Variants in RNF144B observed in about 807,000 individuals in gnomAD.
RNF144B encodes ring finger protein 144B, also known as E3 ubiquitin-protein ligase RNF144B.
In RNF144B, 25 loss-of-function variants were observed where a neutral mutation model predicts 40.2. The ratio of observed to expected loss-of-function variants is 0.62; its 90% confidence interval spans 0.45 to 0.87. The LOEUF is 0.87. RNF144B is among the 40% of genes least tolerant of loss of function. RNF144B has a pLI of 0.00. For synonymous variants in RNF144B, 145 were observed against 136.3 expected, an observed-to-expected ratio of 1.06 and a Z score of -0.44; for missense variants, 365 against 373.7, an observed-to-expected ratio of 0.98 and a Z score of 0.19.
At chr6:18,424,191 A>G (rs962762181) in intron 2 of RNF144B, among the ~76,000 whole-genome samples, 45 of 152,224 alleles carry the variant, frequency 3.0e-4, no homozygotes, top group African/African-American at 1.0e-3. Flanking sequence ...CTTATTTTGC[A>G]CTTTTTAGCC....
At position 18,418,901 on chromosome 6, in the gene RNF144B, T is replaced by C. The variant is rs781753636; in HGVS notation, c.166-8680T>C. 3.3e-5 allele frequency among the ~76,000 whole-genome samples: 5 copies of C among 152,118 alleles called. No homozygotes were observed. The highest frequency in any genetic ancestry group is 7.4e-5 in the Non-Finnish European group (5 of 68,020). The stretch of plus-strand genomic sequence containing the variant: ...ATTGGTCTGTGGTATGGCCTGGGCA[T>C]TGGACTTCTGGAAACCTTCCCAGAT... On this transcript the variant is annotated intron_variant, in intron 2 of 7. Coordinates refer to ENST00000259939, the MANE Select transcript of RNF144B (RefSeq NM_182757.4). This position sits in a 1 kb window ranked among gnomAD's most constrained non-coding sequence, Gnocchi z 5.2.
chr6:18,460,658 C>T lies in RNF144B; in HGVS notation c.681+907C>T, dbSNP rs1381360852. ...CTCTCTCTTGTTCATGAGCATGCAG[C>T]AGTATCGCTACTGTTTTGACAGTGT... On this transcript the variant is annotated intron_variant, in intron 6 of 7. Coordinates refer to ENST00000259939, the MANE Select transcript of RNF144B (RefSeq NM_182757.4). The surrounding 1 kb of genome is among the most constrained non-coding windows in gnomAD (Gnocchi z 4.4). 6.6e-6 allele frequency among the ~76,000 whole-genome samples: 1 copy of T among 152,178 alleles called. No homozygotes were observed. Among genetic ancestry groups the T allele is most frequent in the Non-Finnish European group, 1.5e-5 (1 of 68,028 alleles).
At position 18,402,236 on chromosome 6, in the gene RNF144B, T is replaced by G. The variant is rs1273316904; in HGVS notation, c.165+2537T>G. 1.3e-4 allele frequency: 11 copies of G among 87,476 alleles called. 5 individuals carry two copies. The highest frequency in any genetic ancestry group is 2.9e-4 in the Non-Finnish European group (11 of 37,298). The allele number at this position is 87,476 out of a possible 1,614,324, so 5.4% of individuals were successfully genotyped here. ...CTCAGCTGTGTAATTGGGCACATGA[T>G]TAATCTCTTTGGGCCTCTGATTTCT... On this transcript the variant is annotated intron_variant, in intron 2 of 7. Transcript: ENST00000259939.
In RNF144B at chr6:18,467,354, G is replaced by A. The variant is rs1043262533; in HGVS notation, c.*2287G>A. Reference sequence around the variant, plus strand: ...GTGCTATTTCCTTGGCGAGTTGAGGGAATTTGCCACCTTACAGAGTTTGTA... The same window carrying A: ...GTGCTATTTCCTTGGCGAGTTGAGGAAATTTGCCACCTTACAGAGTTTGTA... On this transcript the variant is annotated 3_prime_UTR_variant, in exon 8 of 8. Transcript: ENST00000259939. 1.4e-5 allele frequency: 2 copies of A among 144,642 alleles called. No individual in the cohort carries two copies. The highest frequency in any genetic ancestry group is 3.0e-5 in the Non-Finnish European group (2 of 66,918). 9.0% of individuals were successfully genotyped at this position (144,642 alleles called of 1,614,324 possible).
At chr6:18,388,231 T>G (rs1379375430) in intron 1 of RNF144B, among the ~76,000 whole-genome samples, 3 of 152,334 alleles carry the variant, frequency 2.0e-5, no homozygotes, top group Non-Finnish European at 4.4e-5. Context: ...TTTTTTCATG[T>G]TCTCATAACA....
chr6:18,387,386 G>A lies in RNF144B; in HGVS notation c.-281G>A. ...CACGCTCCCGCTGCAACAGTCCCGG[G>A]CATCGCAGCTGCCAGTCAAGGCTAG... On this transcript the variant is annotated 5_prime_UTR_variant, in exon 1 of 8. Transcript: ENST00000259939. The A allele has an allele frequency of 8.6e-7, 1 of 1,169,246 alleles. No homozygotes were observed. Among genetic ancestry groups the A allele is most frequent in the Non-Finnish European group, 1.1e-6 (1 of 929,192 alleles). 72.4% of individuals were successfully genotyped at this position (1,169,246 alleles called of 1,614,324 possible).
intron 2 of RNF144B, among the ~76,000 whole-genome samples, chr6:18,409,878 C>T (rs891444079): frequency 2.0e-5 from 3 of 152,104 alleles, no homozygotes; most frequent in African/African-American, 7.2e-5. Flanking sequence ...GCCTACATAA[C>T]ATTTTTTACT....
Position 18,427,676 on chromosome 6 carries a change from G to C in RNF144B, c.261G>C (p.Gln87His). Residue 87 changes from glutamine to histidine, a missense_variant, in exon 3 of 8, where the codon CAG (glutamine) becomes CAC (histidine). Coordinates refer to ENST00000259939, the MANE Select transcript of RNF144B (RefSeq NM_182757.4). ...DMVCLNHGTLQEAEIACLVPV... is the reference protein window; with the variant it reads ...DMVCLNHGTLHEAEIACLVPV... ...TGTGCCTAAACCACGGGACCCTGCA[G>C]GAAGCTGAGGTATGAATGACTACCA... 6.2e-7 allele frequency: 1 copy of C among 1,603,816 alleles called. No individual in the cohort carries two copies. Among genetic ancestry groups the C allele is most frequent in the Non-Finnish European group, 8.5e-7 (1 of 1,170,980 alleles).
chr6:18,404,151 C>A (rs973196728), intron 2 of RNF144B, among the ~76,000 whole-genome samples: 1 of 152,212 alleles, frequency 6.6e-6, no homozygotes, highest in Non-Finnish European at 1.5e-5. Flanking sequence ...TGTATGTGCA[C>A]ACACAGTTTG....
At position 18,422,994 on chromosome 6, in the gene RNF144B, C is replaced by G. The variant is rs757364844; in HGVS notation, c.166-4587C>G. Among the ~76,000 whole-genome samples, 1 of 151,906 alleles carries G rather than the reference C, an allele frequency of 6.6e-6. No individual in the cohort carries two copies. Among genetic ancestry groups the G allele is most frequent in the Non-Finnish European group, 1.5e-5 (1 of 67,980 alleles). On this transcript the variant is annotated intron_variant, in intron 2 of 7. Coordinates refer to ENST00000259939, the MANE Select transcript of RNF144B (RefSeq NM_182757.4). The surrounding 1 kb of genome is among the most constrained non-coding windows in gnomAD (Gnocchi z 4.7). The stretch of plus-strand genomic sequence containing the variant: ...AACTAATGGCACTCATTACCTCCTT[C>G]CTCTCAACAGTACCTATTCTCTTAC...
rs1794912015 is a variant in RNF144B, at chr6:18,406,499, TG to T, written c.165+6801del. On this transcript the variant is annotated intron_variant, in intron 2 of 7. Coordinates refer to ENST00000259939, the MANE Select transcript of RNF144B (RefSeq NM_182757.4). The surrounding 1 kb of genome is among the most constrained non-coding windows in gnomAD (Gnocchi z 4.2). ...GTGTGTGTGTGTGTGTGTGTGTGTG[TG>T]TAGGGGGAGTAGTAGGAGATGAAGG... Among the ~76,000 whole-genome samples, 1 of 106,144 alleles carries T rather than the reference TG, an allele frequency of 9.4e-6. No homozygotes were observed. The highest frequency in any genetic ancestry group is 2.0e-5 in the Non-Finnish European group (1 of 50,138). The allele number at this position is 106,144 out of a possible 152,430, so 69.6% of individuals were successfully genotyped here.
At position 18,418,981 on chromosome 6, in the gene RNF144B, A is replaced by G. The variant is rs1272985401; in HGVS notation, c.166-8600A>G. Among the ~76,000 whole-genome samples, 1 of 152,060 alleles carries G rather than the reference A, an allele frequency of 6.6e-6. No individual in the cohort carries two copies. The highest frequency in any genetic ancestry group is 2.4e-5 in the African/African-American group (1 of 41,410). On this transcript the variant is annotated intron_variant, in intron 2 of 7. Transcript: ENST00000259939. The surrounding 1 kb of genome is among the most constrained non-coding windows in gnomAD (Gnocchi z 5.2). ...CTTTGACATGGGTCTTGGTACTTAC[A>G]AGTGTGGTTTGTGTGCCAGTGGCAC...
In RNF144B at chr6:18,465,148, TC is replaced by T; in HGVS notation, c.*83del. 1 of 1,444,678 alleles carries T rather than the reference TC, an allele frequency of 6.9e-7. No homozygotes were observed. The highest frequency in any genetic ancestry group is 9.5e-7 in the Non-Finnish European group (1 of 1,055,984). The allele number at this position is 1,444,678 out of a possible 1,614,324, so 89.5% of individuals were successfully genotyped here. ...TAAAGCCCCATTTAGTGACCTTGCC[TC>T]CTTCTCCTTGCCAACTTTGAAAGTG... On this transcript the variant is annotated 3_prime_UTR_variant, in exon 8 of 8. Coordinates refer to ENST00000259939, the MANE Select transcript of RNF144B (RefSeq NM_182757.4).
At chr6:18,462,099 G>A (rs1241188811) in intron 6 of RNF144B, among the ~76,000 whole-genome samples, 2 of 152,106 alleles carry the variant, frequency 1.3e-5, no homozygotes, top group East Asian at 3.8e-4. Context: ...ATTTAAACAC[G>A]AGTAAACATT....
At chr6:18,401,252 A>C (rs1794797211) in intron 2 of RNF144B, among the ~76,000 whole-genome samples, 1 of 152,232 alleles carries the variant, frequency 6.6e-6, no homozygotes, top group African/African-American at 2.4e-5. Context: ...CAGGGAGCTA[A>C]CACTGTCCTG....
rs950175713 is a variant in RNF144B at position 18,425,250 on chromosome 6, C to G, written c.166-2331C>G. Among the ~76,000 whole-genome samples the G allele has an allele frequency of 1.3e-5, 2 of 152,178 alleles. No homozygotes were observed. The highest frequency in any genetic ancestry group is 4.8e-5 in the African/African-American group (2 of 41,460). ...TTGTTCACTTTGTTTTCCTCAAACA[C>G]CTTCCCCTTGAGCCTGGAGACTATA... On this transcript the variant is annotated intron_variant, in intron 2 of 7. Coordinates refer to ENST00000259939, the MANE Select transcript of RNF144B (RefSeq NM_182757.4). This position sits in a 1 kb window ranked among gnomAD's most constrained non-coding sequence, Gnocchi z 4.2.
At chr6:18,451,985 G>T (rs1037175289) in intron 4 of RNF144B, among the ~76,000 whole-genome samples, 1 of 152,078 alleles carries the variant, frequency 6.6e-6, no homozygotes, top group African/African-American at 2.4e-5. Context: ...GAGAGCTATG[G>T]TCTAATAGAA....
At chr6:18,454,281 C>T (rs1488486933) in intron 4 of RNF144B, among the ~76,000 whole-genome samples, 1 of 152,122 alleles carries the variant, frequency 6.6e-6, no homozygotes, top group East Asian at 1.9e-4. Context: ...GACTTAGTTT[C>T]ATGGAATTGT....
intron 7 of RNF144B, among the ~76,000 whole-genome samples, chr6:18,463,585 C>T (rs747419944): frequency 2.8e-4 from 42 of 152,266 alleles, no homozygotes; most frequent in African/African-American, 9.4e-4. Context: ...TAAGGACAAG[C>T]GGAGAAACAG....
Sources: allele counts gnomAD v4.1 joint callset (sites outside exome capture counted in the v4.1 genomes callset), GRCh38; gene constraint gnomAD v4.1.1; non-coding constraint Gnocchi (gnomAD v3.1); transcripts MANE v1.5; gene names NCBI Gene and HGNC (gene_info 2026-07-23, HGNC 2026-07-21).